The following SUCO variants were observed in gnomAD, a reference collection of about 807,000 sequenced individuals.
SUCO encodes the protein SUN domain containing ossification factor.
SUCO carries 57 observed loss-of-function variants against 148.1 expected under a neutral mutation model. The ratio of observed to expected loss-of-function variants is 0.38; its 90% CI spans 0.31 to 0.48. The LOEUF is 0.48. SUCO is among the 20% of genes least tolerant of loss of function. SUCO has a pLI of 0.96. For missense variants in SUCO, 1,331 were observed against 1,468.2 expected (o/e 0.91, Z 1.53); for synonymous variants, 470 against 502.7 (o/e 0.93, Z 0.87).
chr1:172,541,091 T>C (rs1652420649), intron 1 of SUCO, among the ~76,000 whole-genome samples: 1 of 152,166 alleles, frequency 6.6e-6, no homozygotes, highest in East Asian at 1.9e-4. Context: ...GTTGAAAATA[T>C]ATTTTAAAAA....
chr1:172,579,391 T>TA (rs2149253268), intron 15 of SUCO, 124 bp downstream of exon 15: 1 of 565,282 alleles, frequency 1.8e-6, no homozygotes, highest in Admixed American at 3.5e-5. Context: ...AAATAAAAGA[T>TA]ACTGTCTTTT....
chr1:172,590,433 T>A, intron 18 of SUCO: 5 of 888,858 alleles, frequency 5.6e-6, no homozygotes, highest in Non-Finnish European at 6.7e-6. Context: ...ATTTCTGCTT[T>A]TAAGTGCCAG....
intron 17 of SUCO, among the ~76,000 whole-genome samples, chr1:172,587,204 T>A (rs1339627803): frequency 6.6e-6 from 1 of 152,098 alleles, no homozygotes; most frequent in Non-Finnish European, 1.5e-5. Flanking sequence ...TTTGCATAAT[T>A]TCTTATTCAG....
Position 172,589,512 on chromosome 1 carries a change from A to T in SUCO, c.2411A>T (p.Asp804Val), listed in dbSNP as rs758639283. The change falls in exon 18 of 24, where the codon GAT becomes GTT. Residue 804 changes from aspartate (D) to valine (V), a missense_variant. Coordinates refer to ENST00000263688, the MANE Select transcript of SUCO (RefSeq NM_014283.5). ...ACAAATAAAGTTAATGAGTTAATGGATAATATTATAAAAGAAGATGTGAAC... is the reference window on the plus strand; with the variant it reads ...ACAAATAAAGTTAATGAGTTAATGGTTAATATTATAAAAGAAGATGTGAAC... ...YETNKVNELM[D>V]NIIKEDVNSM... 6.2e-7 allele frequency: 1 copy of T among 1,613,006 alleles called. No homozygotes were observed. The highest frequency in any genetic ancestry group is 8.5e-7 in the Non-Finnish European group (1 of 1,179,524).
chr1:172,590,764 T>C (rs1249319961), intron 18 of SUCO, among the ~76,000 whole-genome samples: 1 of 152,132 alleles, frequency 6.6e-6, no homozygotes, highest in Admixed American at 6.6e-5. Context: ...CCATACCTGC[T>C]CTTACTTTTC....
intron 22 of SUCO, among the ~76,000 whole-genome samples, chr1:172,605,661 AT>A (rs1657823343): frequency 6.6e-6 from 1 of 151,820 alleles, no homozygotes; most frequent in South Asian, 2.1e-4. Context: ...TTTTATGTGA[AT>A]TTTAGGGTGA....
At chr1:172,542,743 AAG>A (rs1257761375) in intron 1 of SUCO, 11 of 985,314 alleles carry the variant, frequency 1.1e-5, no homozygotes, top group Non-Finnish European at 1.2e-5. Context: ...TCATTTTTGA[AAG>A]AGAACATTGG....
chr1:172,532,745 C>T (rs760324847), upstream of SUCO: 1 of 1,613,920 alleles, frequency 6.2e-7, no homozygotes, highest in Admixed American at 1.7e-5. Flanking sequence ...TTCTGGAAGG[C>T]AAACTACAAC....
intron 22 of SUCO, 62 bp from the exon 23 acceptor site, chr1:172,608,685 A>G: frequency 9.1e-7 from 1 of 1,102,802 alleles, no homozygotes; most frequent in Non-Finnish European, 1.4e-6. Context: ...GTGTTTAATT[A>G]TAGCAAATCC....
At chr1:172,590,205 G>A (rs999057601) in intron 18 of SUCO, 3 of 397,782 alleles carry the variant, frequency 7.5e-6, no homozygotes, top group East Asian at 1.6e-4. Flanking sequence ...ACCTTTTTTC[G>A]GTTGCTTAAC....
intron 19 of SUCO, among the ~76,000 whole-genome samples, chr1:172,594,531 T>A (rs1343690167): frequency 6.6e-6 from 1 of 152,226 alleles, no homozygotes; most frequent in Non-Finnish European, 1.5e-5. Context: ...CTTCATTTCG[T>A]TATGTACCCA....
rs147336658 is a variant in SUCO at position 172,551,878 on chromosome 1, A to G, written c.177+252A>G. 473 of 270,174 alleles carry G rather than the reference A, an allele frequency of 1.8e-3. 5 individuals are homozygous for G. In the East Asian group the frequency reaches 0.034, roughly 19 times the overall value. The allele number at this position is 270,174 out of a possible 1,614,324, so 16.7% of individuals were successfully genotyped here. ...GTAGTATAGGGTAGTGCATGTTCAG[A>G]GAGCTGAAAATGAGTGATTTGTTTT... On this transcript the variant is annotated intron_variant, in intron 2 of 23. Coordinates refer to ENST00000263688, the MANE Select transcript of SUCO (RefSeq NM_014283.5).
chr1:172,574,856 T>G (rs1267922545), intron 10 of SUCO: 3 of 984,972 alleles, frequency 3.0e-6, no homozygotes, highest in African/African-American at 1.7e-5. Flanking sequence ...AAATCGGTTC[T>G]CAAGACCTCT....
intron 16 of SUCO, 55 bp downstream of exon 16, chr1:172,585,141 AT>A (rs1656148368): frequency 7.5e-7 from 1 of 1,330,150 alleles, no homozygotes; most frequent in Non-Finnish European, 1.0e-6. Context: ...GGATCCTTAT[AT>A]TTAGGAAAAT....
At chr1:172,604,829 T>C (rs1657760518) in intron 22 of SUCO, among the ~76,000 whole-genome samples, 1 of 151,904 alleles carries the variant, frequency 6.6e-6, no homozygotes, top group Non-Finnish European at 1.5e-5. Flanking sequence ...TTCATCTACA[T>C]TATAGCATGT....
intron 22 of SUCO, among the ~76,000 whole-genome samples, chr1:172,604,659 T>C (rs1269605362): frequency 1.3e-5 from 2 of 151,820 alleles, no homozygotes; most frequent in Non-Finnish European, 1.5e-5. Context: ...CTGTGTCCAT[T>C]AACCAATTCC....
chr1:172,533,002 C>T, upstream of SUCO: 2 of 1,417,998 alleles, frequency 1.4e-6, no homozygotes, highest in Admixed American at 2.9e-5. Flanking sequence ...GGTGCGGGCG[C>T]CGCGGGACTT....
At chr1:172,597,874 C>T (rs1477106407) in intron 19 of SUCO, among the ~76,000 whole-genome samples, 1 of 152,286 alleles carries the variant, frequency 6.6e-6, no homozygotes, top group South Asian at 2.1e-4. Context: ...ATTGGAGATA[C>T]ACTTTGCAAA....
chr1:172,555,819 T>TTA, intron 3 of SUCO, 50 bp from the exon 4 acceptor site: 1 of 1,449,004 alleles, frequency 6.9e-7, no homozygotes, highest in Non-Finnish European at 9.4e-7. Flanking sequence ...GCTAAAGAGA[T>TTA]GTTATATTAA....
Sources: gnomAD v4.1 joint callset for allele counts (sites outside exome capture counted in the v4.1 genomes callset) on GRCh38, gnomAD v4.1.1 for gene constraint, MANE v1.5 for transcripts, NCBI Gene and HGNC (gene_info 2026-07-23, HGNC 2026-07-21) for gene names.